Variants in TRPA1 observed in about 807,000 individuals in gnomAD.
The protein encoded by TRPA1 is transient receptor potential cation channel subfamily A member 1.
TRPA1 carries 129 observed loss-of-function variants against 131.3 expected under a neutral mutation model. The observed-to-expected ratio is 0.98, with a 90% CI of 0.85 to 1.14. The LOEUF (loss-of-function observed/expected upper bound fraction) is 1.14. Among genes scored for constraint, TRPA1 ranks in the 50% most tolerant of loss-of-function variants. The pLI, the probability that TRPA1 is intolerant of heterozygous loss-of-function variation, is 0.00. For synonymous variants in TRPA1, 441 were observed against 451.7 expected (o/e 0.98, Z 0.30); for missense variants, 1,304 against 1,354.2 (o/e 0.96, Z 0.58).
Position 72,075,462 on chromosome 8 carries a change from C to G in TRPA1, c.-53G>C, listed in dbSNP as rs1006743013. On this transcript the variant is annotated 5_prime_UTR_variant, in exon 1 of 27. Coordinates refer to ENST00000262209, the MANE Select transcript of TRPA1 (RefSeq NM_007332.3). ...CAGCTGCTCACCACGCGCGCGGGCA[C>G]CTGGGGCGAGAGAGCGCTGTCAGCC... 1.4e-6 allele frequency: 2 copies of G among 1,461,924 alleles called. No individual in the cohort carries two copies. The highest frequency in any genetic ancestry group is 1.9e-6 in the Non-Finnish European group (2 of 1,053,590). 90.6% of individuals were successfully genotyped at this position (1,461,924 alleles called of 1,614,324 possible).
chr8:72,075,631 G>C (rs949451874), upstream of TRPA1: 12 of 565,368 alleles, frequency 2.1e-5, no homozygotes, highest in African/African-American at 3.8e-5. Flanking sequence ...GGAAGCAGGC[G>C]GGGCGCGGAG....
chr8:72,044,300 T>C (rs761485627), intron 17 of TRPA1, among the ~76,000 whole-genome samples: 5 of 151,648 alleles, frequency 3.3e-5, no homozygotes, highest in Admixed American at 6.6e-5. Flanking sequence ...TTAAAATTAA[T>C]GGTTTCTTCA....
In TRPA1 at chr8:72,033,704, C is replaced by T. The variant is rs1585843918; in HGVS notation, c.2808G>A (p.Leu936=). ...YLRNELAHPV[L]SFAQLVSFTI... ...TGAAGGAAACAAGTTGTGCAAAGGA[C>T]AGAACTGGATGTGCCAATTCATTTC... is the stretch of plus-strand genomic sequence containing the variant. The change falls in exon 23 of 27, where the codon CTG becomes CTA. Residue 936 remains leucine (L), a synonymous_variant. Transcript: ENST00000262209. 13 of 1,613,926 alleles carry T rather than the reference C, an allele frequency of 8.1e-6. No homozygotes were observed. Among genetic ancestry groups the T allele is most frequent in the Non-Finnish European group, 1.1e-5 (13 of 1,179,996 alleles).
intron 2 of TRPA1, among the ~76,000 whole-genome samples, chr8:72,070,976 T>C (rs978657521): frequency 1.3e-5 from 2 of 152,234 alleles, no homozygotes; most frequent in African/African-American, 4.8e-5. Flanking sequence ...ATTAGCCTAA[T>C]CTCCTAAATT....
chr8:72,062,927 T>C lies in TRPA1; in HGVS notation c.679A>G (p.Ser227Gly). The change falls in exon 6 of 27, where the codon AGT becomes GGT. Residue 227 changes from serine (S) to glycine (G), a missense_variant. Transcript: ENST00000262209. ...ILRFGEEHGYSRQLHINFMNN... is the reference protein window; with the variant it reads ...ILRFGEEHGYGRQLHINFMNN... ...ATAAAGTTAATGTGCAACTGTCTACTGTACCCATGCTCTTCACCTTGAGAA... is the reference window on the plus strand; with the variant it reads ...ATAAAGTTAATGTGCAACTGTCTACCGTACCCATGCTCTTCACCTTGAGAA... 6.2e-7 allele frequency: 1 copy of C among 1,613,958 alleles called. No individual in the cohort carries two copies. Among genetic ancestry groups the C allele is most frequent in the Non-Finnish European group, 8.5e-7 (1 of 1,179,940 alleles).
chr8:72,071,822 G>A lies in TRPA1; in HGVS notation c.157C>T (p.Gln53Ter). The A allele has an allele frequency of 1.2e-6, 2 of 1,612,518 alleles. No individual in the cohort carries two copies. The highest frequency in any genetic ancestry group is 8.5e-7 in the Non-Finnish European group (1 of 1,179,708). Residue 53 changes from glutamine to a stop codon, truncating the protein, a stop_gained, in exon 2 of 27, where the codon CAA (glutamine) becomes TAA (stop). Coordinates refer to ENST00000262209, the MANE Select transcript of TRPA1 (RefSeq NM_007332.3). LOFTEE classifies it high-confidence loss of function. ...TCGTCACATCTTTTTAATTTCTTTTGCTTATTAAAGTTTTGTAATCCATAT... is the reference window on the plus strand; with the variant it reads ...TCGTCACATCTTTTTAATTTCTTTTACTTATTAAAGTTTTGTAATCCATAT... ...SAYGLQNFNK[Q>*]KKLKRCDDMD... is the part of the protein sequence containing the mutation.
intron 7 of TRPA1, among the ~76,000 whole-genome samples, chr8:72,060,728 T>C (rs182406745): frequency 2.6e-5 from 4 of 152,160 alleles, no homozygotes; most frequent in African/African-American, 4.8e-5. Context: ...TTACTAGTTT[T>C]ATGCTATTAA....
chr8:72,046,670 GTA>G, intron 16 of TRPA1, 62 bp from the exon 17 acceptor site: 1 of 848,142 alleles, frequency 1.2e-6, no homozygotes, highest in Admixed American at 2.2e-5. Context: ...AATCCCCAAA[GTA>G]ATTCTTGAAA....
chr8:72,039,375 C>A (rs1812168725), intron 18 of TRPA1, among the ~76,000 whole-genome samples: 1 of 151,882 alleles, frequency 6.6e-6, no homozygotes, highest in South Asian at 2.1e-4. Context: ...CCTTTCCATG[C>A]CCCCAAATAT....
At chr8:72,068,904 A>T in intron 3 of TRPA1, 119 bp downstream of exon 3, 1 of 1,028,478 alleles carries the variant, frequency 9.7e-7, no homozygotes, top group Non-Finnish European at 1.5e-6. Flanking sequence ...TAATAATTGC[A>T]TTTTGTTTGC....
the TRPA1 span, among the ~76,000 whole-genome samples, chr8:72,087,929 G>T: frequency 6.6e-6 from 1 of 152,156 alleles, no homozygotes; most frequent in East Asian, 1.9e-4. Context: ...AGCTCTATGT[G>T]CTTCAGCTCC....
chr8:72,025,787 C>T (rs1250231537), intron 25 of TRPA1, among the ~76,000 whole-genome samples, 173 bp downstream of exon 25: 1 of 152,194 alleles, frequency 6.6e-6, no homozygotes, highest in Non-Finnish European at 1.5e-5. Flanking sequence ...CCTCCTCTCA[C>T]CCAGCTCTTT....
At chr8:72,039,855 ACTAAT>A in intron 17 of TRPA1, 58 bp from the exon 18 acceptor site, 1 of 1,095,722 alleles carries the variant, frequency 9.1e-7, no homozygotes, top group South Asian at 1.2e-5. Flanking sequence ...CTGAGTATAA[ACTAAT>A]CTATTTATTG....
At chr8:72,050,665 C>T (rs1003520978) in intron 15 of TRPA1, 113 bp downstream of exon 15, 3 of 755,070 alleles carry the variant, frequency 4.0e-6, no homozygotes, top group Middle Eastern at 3.7e-4. Context: ...CCCTTACAGC[C>T]TATGGAAAAT....
intron 7 of TRPA1, 29 bp downstream of exon 7, chr8:72,061,596 G>T (rs1263963155): frequency 6.2e-7 from 1 of 1,613,234 alleles, no homozygotes; most frequent in East Asian, 2.2e-5. Flanking sequence ...TGAAAAATCT[G>T]TATACAGAAT....
intron 20 of TRPA1, among the ~76,000 whole-genome samples, chr8:72,037,291 T>C (rs1812088153): frequency 6.6e-6 from 1 of 152,106 alleles, no homozygotes; most frequent in South Asian, 2.1e-4. Flanking sequence ...AAGTGAGGTG[T>C]TGTATAAAAG....
In TRPA1 at chr8:72,023,108, T is replaced by A; in HGVS notation, c.3158A>T (p.Asp1053Val). The change falls in exon 27 of 27, where the codon GAT becomes GTT. Residue 1053 changes from aspartate to valine, a missense_variant. Transcript: ENST00000262209. ...EILKQKYRLKDLTFLLEKQHE... is the reference protein window; with the variant it reads ...EILKQKYRLKVLTFLLEKQHE... Reference sequence around the variant, plus strand: ...CTGTTTTTCCAGGAGAAAAGTAAGATCCTTCAGCCTAAAAGGACATACACA... The same window carrying A: ...CTGTTTTTCCAGGAGAAAAGTAAGAACCTTCAGCCTAAAAGGACATACACA... 1 of 1,612,948 alleles carries A rather than the reference T, an allele frequency of 6.2e-7. No individual in the cohort carries two copies. Among genetic ancestry groups the A allele is most frequent in the Non-Finnish European group, 8.5e-7 (1 of 1,179,648 alleles).
intron 24 of TRPA1, 143 bp downstream of exon 24, chr8:72,029,758 G>T: frequency 1.2e-6 from 1 of 850,268 alleles, no homozygotes; most frequent in Non-Finnish European, 2.0e-6. Context: ...AGGGTAAATG[G>T]CACATACTTT....
rs769000514 is a variant in TRPA1, at chr8:72,023,160, T to G, written c.3150-44A>C. ...TTCATGAATTTATTTTCAGTTCTTC[T>G]TTTAGCCCTTCTGAATGTAGGAAGG... On this transcript the variant is annotated intron_variant, in intron 26 of 26. Transcript: ENST00000262209. 6.4e-6 allele frequency: 10 copies of G among 1,565,472 alleles called. No homozygotes were observed. The South Asian group carries it at 1.1e-4, about 18-fold the overall frequency.
Sources: allele counts gnomAD v4.1 joint callset (sites outside exome capture counted in the v4.1 genomes callset), GRCh38; gene constraint gnomAD v4.1.1; transcripts MANE v1.5; gene names NCBI Gene and HGNC (gene_info 2026-07-23, HGNC 2026-07-21).